PIK3CB: variants seen among roughly 807,000 people sequenced by gnomAD.
PIK3CB encodes the protein phosphatidylinositol-4,5-bisphosphate 3-kinase catalytic subunit beta.
PIK3CB carries 39 observed loss-of-function variants against 136.8 expected under a neutral mutation model. That is an observed-to-expected ratio of 0.29 (90% CI 0.22 to 0.37). The LOEUF (loss-of-function observed/expected upper bound fraction) is 0.37, where lower values mean the gene tolerates loss of function less well. Ranked by LOEUF, PIK3CB falls within the 10% of genes least tolerant of loss-of-function variation. The pLI is 1.00. For missense variants in PIK3CB, 868 were observed against 1,275.4 expected, an observed-to-expected ratio of 0.68 and a Z score of 4.87; for synonymous variants, 428 against 436.6, an observed-to-expected ratio of 0.98 and a Z score of 0.25.
At chr3:138,662,629 T>A (rs1490890177) in intron 21 of PIK3CB, among the ~76,000 whole-genome samples, 2 of 150,448 alleles carry the variant, frequency 1.3e-5, no homozygotes, top group Non-Finnish European at 3.0e-5. Context: ...ATATACCCAG[T>A]AATGGGATGG....
At chr3:138,758,618 G>A (rs979546668) in intron 3 of PIK3CB, among the ~76,000 whole-genome samples, 14 of 152,128 alleles carry the variant, frequency 9.2e-5, no homozygotes, top group African/African-American at 2.7e-4. Context: ...CCAAAGCCAA[G>A]AGTTTTCAGA....
intron 10 of PIK3CB, among the ~76,000 whole-genome samples, chr3:138,711,042 C>T (rs973625371): frequency 6.6e-6 from 1 of 151,486 alleles, no homozygotes; most frequent in African/African-American, 2.4e-5. Context: ...GCATATCACA[C>T]CACTGCACTC....
chr3:138,742,860 A>G (rs1234262618), intron 4 of PIK3CB, 79 bp from the exon 5 acceptor site: 3 of 730,300 alleles, frequency 4.1e-6, no homozygotes, highest in Non-Finnish European at 6.5e-6. Flanking sequence ...AAGTATATTC[A>G]ACAAAAACTA....
intron 1 of PIK3CB, among the ~76,000 whole-genome samples, chr3:138,818,158 AT>A (rs2108892089): frequency 6.6e-6 from 1 of 152,276 alleles, no homozygotes; most frequent in African/African-American, 2.4e-5. Context: ...GGAAACTCAT[AT>A]TTAGTGATTC....
chr3:138,752,279 G>T (rs2108706722), intron 4 of PIK3CB, among the ~76,000 whole-genome samples: 1 of 152,268 alleles, frequency 6.6e-6, no homozygotes, highest in Middle Eastern at 3.4e-3. Flanking sequence ...AGCCTAGTCA[G>T]GGCAATTACG....
chr3:138,808,493 AGTCTCTACAAAGTAGTGT>A (rs973173705), intron 1 of PIK3CB, among the ~76,000 whole-genome samples: 2 of 152,090 alleles, frequency 1.3e-5, no homozygotes, highest in African/African-American at 4.8e-5. Context: ...ACAACTTTGT[AGTCTCTACAAAGTAGTGT>A]GTCTCTACAA....
chr3:138,755,969 T>A lies in PIK3CB; in HGVS notation c.182A>T (p.Lys61Met). Residue 61 changes from lysine to methionine, a missense_variant, in exon 4 of 24, where the codon AAG (lysine) becomes ATG (methionine). By Grantham distance (95) the Lys-to-Met change is moderately conservative. Around this residue, in one of 4 missense-constraint regions of PIK3CB, gnomAD observed 612 missense variants for 801.1 expected, o/e 0.76. Coordinates refer to ENST00000674063, the MANE Select transcript of PIK3CB (RefSeq NM_006219.3). ...GAACATTGGGTAATTGTGAACTTGC[T>A]TCCATAACATCTATGAGAAAAAATA... is the stretch of plus-strand genomic sequence containing the variant. ...TISYIKQMLW[K>M]QVHNYPMFNL... The A allele has an allele frequency of 6.3e-7, 1 of 1,581,768 alleles. No homozygotes were observed. Among genetic ancestry groups the A allele is most frequent in the East Asian group, 2.2e-5 (1 of 44,584 alleles).
intron 1 of PIK3CB, among the ~76,000 whole-genome samples, chr3:138,820,098 C>T (rs1933493931): frequency 6.6e-6 from 1 of 152,190 alleles, no homozygotes; most frequent in Admixed American, 6.5e-5. Flanking sequence ...GATGATCTTA[C>T]AGGACACAAA....
intron 2 of PIK3CB, among the ~76,000 whole-genome samples, chr3:138,784,864 T>C (rs1255906231): frequency 6.6e-6 from 1 of 151,976 alleles, no homozygotes; most frequent in Non-Finnish European, 1.5e-5. Flanking sequence ...GTCTGGGAAG[T>C]GAGGAGCGTC....
intron 2 of PIK3CB, among the ~76,000 whole-genome samples, chr3:138,789,891 A>G (rs891940044): frequency 3.3e-5 from 5 of 152,046 alleles, no homozygotes; most frequent in African/African-American, 9.7e-5. Flanking sequence ...GGGTTTCACC[A>G]TGTTGGCCAG....
intron 10 of PIK3CB, among the ~76,000 whole-genome samples, chr3:138,709,733 A>T (rs1275237088): frequency 6.6e-6 from 1 of 152,166 alleles, no homozygotes; most frequent in Non-Finnish European, 1.5e-5. Context: ...AGTTAACACC[A>T]CCAAAAATTG....
At chr3:138,832,079 T>G (rs1339868307) in intron 1 of PIK3CB, among the ~76,000 whole-genome samples, 1 of 152,228 alleles carries the variant, frequency 6.6e-6, no homozygotes, top group Non-Finnish European at 1.5e-5. Context: ...TTCAACAGTC[T>G]AAGCTAGACA....
chr3:138,680,290 G>A (rs759375136), intron 19 of PIK3CB, among the ~76,000 whole-genome samples: 4 of 151,896 alleles, frequency 2.6e-5, no homozygotes, highest in East Asian at 3.9e-4. Context: ...CTCAGGAGGC[G>A]GAGGCTGCAG....
chr3:138,828,139 C>G (rs1262599621), intron 1 of PIK3CB, among the ~76,000 whole-genome samples: 1 of 150,978 alleles, frequency 6.6e-6, no homozygotes. Flanking sequence ...GATTTTAGAA[C>G]TAATTTCATT....
chr3:138,703,581 T>TATGTAGATATAGATATAGATATATAA (rs1300913419), intron 12 of PIK3CB, among the ~76,000 whole-genome samples: 1 of 142,898 alleles, frequency 7.0e-6, no homozygotes, highest in Admixed American at 6.7e-5. Context: ...TAGATATAGA[T>TATGTAGATATAGATATAGATATATAA]ATGTAGATAT....
At chr3:138,766,564 C>T (rs940851509) in intron 2 of PIK3CB, among the ~76,000 whole-genome samples, 4 of 152,052 alleles carry the variant, frequency 2.6e-5, no homozygotes, top group Non-Finnish European at 4.4e-5. Context: ...AATCCTTCCT[C>T]ACTTACAAAG....
intron 1 of PIK3CB, among the ~76,000 whole-genome samples, chr3:138,810,833 T>C (rs998232934): frequency 6.6e-6 from 1 of 151,824 alleles, no homozygotes; most frequent in African/African-American, 2.4e-5. Context: ...GGCAGGAGAA[T>C]GGCATGAACC....
At chr3:138,799,993 T>C (rs1422359929) in intron 1 of PIK3CB, among the ~76,000 whole-genome samples, 1 of 152,126 alleles carries the variant, frequency 6.6e-6, no homozygotes, top group Non-Finnish European at 1.5e-5. Context: ...CCTCATCTGC[T>C]TTCCTCTTCA....
chr3:138,808,226 T>C (rs1239638257), intron 1 of PIK3CB, among the ~76,000 whole-genome samples: 2 of 152,132 alleles, frequency 1.3e-5, no homozygotes, highest in Non-Finnish European at 2.9e-5. Flanking sequence ...CGGAACCCCA[T>C]GTCCCATCCA....
Sources: gnomAD v4.1 joint callset for allele counts (sites outside exome capture counted in the v4.1 genomes callset) on GRCh38, gnomAD v4.1.1 for gene constraint, gnomAD v4.1.1 regional missense constraint, MANE v1.5 for transcripts, NCBI Gene and HGNC (gene_info 2026-07-23, HGNC 2026-07-21) for gene names.